NEBL: variants seen among roughly 807,000 people sequenced by gnomAD.
The protein encoded by NEBL is nebulette.
In NEBL, 122 loss-of-function variants were observed where a neutral mutation model predicts 140.2. The observed-to-expected ratio is 0.87, with a 90% CI of 0.75 to 1.01. NEBL has a LOEUF of 1.01. Ranked by LOEUF, NEBL falls within the 50% of genes least tolerant of loss-of-function variation. The pLI, the probability that NEBL is intolerant of heterozygous loss-of-function variation, is 0.00. For synonymous variants in NEBL, 436 were observed against 398.9 expected (o/e 1.09, Z -1.11); for missense variants, 1,365 against 1,231.3 (o/e 1.11, Z -1.62).
At chr10:21,072,890 C>A (rs1283589986) in intron 2 of NEBL, among the ~76,000 whole-genome samples, 1 of 152,152 alleles carries the variant, frequency 6.6e-6, no homozygotes, top group Non-Finnish European at 1.5e-5. Flanking sequence ...ACTTGGGAGG[C>A]TGAGGCATGA....
intron 2 of NEBL, among the ~76,000 whole-genome samples, chr10:21,142,698 C>T (rs1839692707): frequency 6.6e-6 from 1 of 152,114 alleles, no homozygotes; most frequent in Admixed American, 6.6e-5. Context: ...GACGGTATGG[C>T]GAGCATTACT....
intron 25 of NEBL, 80 bp from the exon 26 acceptor site, chr10:20,808,739 A>T (rs1837855943): frequency 2.1e-6 from 3 of 1,432,000 alleles, no homozygotes; most frequent in Non-Finnish European, 2.9e-6. Flanking sequence ...TTAAAAGCTT[A>T]ACAGAGAAGA....
rs985225654 is a variant in NEBL at position 20,916,432 on chromosome 10, A to C, written c.357+45240T>G. 2.6e-5 allele frequency among the ~76,000 whole-genome samples: 4 copies of C among 152,244 alleles called. No homozygotes were observed. In the East Asian group the frequency reaches 7.7e-4, roughly 29 times the overall value. On this transcript the variant is annotated intron_variant, in intron 4 of 6. Transcript: ENST00000417816. ...CTTTTGTTTCTTGGGAAAGGGTCTC[A>C]CTCTGTTGCCCAGACTGGAGTGCAG...
chr10:21,094,919 T>C (rs1281931583), intron 2 of NEBL, among the ~76,000 whole-genome samples: 1 of 152,148 alleles, frequency 6.6e-6, no homozygotes, highest in Non-Finnish European at 1.5e-5. Context: ...AAGAAAATCC[T>C]TGGGCCAACA....
At chr10:21,262,646 T>C (rs1163413163) in intron 1 of NEBL, among the ~76,000 whole-genome samples, 3 of 152,158 alleles carry the variant, frequency 2.0e-5, no homozygotes, top group Non-Finnish European at 4.4e-5. Flanking sequence ...TAAAAGAAAT[T>C]TCCCCAGAAA....
At chr10:20,788,229 C>T (rs796369030) in intron 26 of NEBL, among the ~76,000 whole-genome samples, 8 of 152,200 alleles carry the variant, frequency 5.3e-5, no homozygotes, top group Admixed American at 2.6e-4. Flanking sequence ...AGGGTATTTT[C>T]GTAGCGTGCC....
At chr10:20,818,081 C>T (rs1838919512) in intron 20 of NEBL, among the ~76,000 whole-genome samples, 1 of 152,136 alleles carries the variant, frequency 6.6e-6, no homozygotes, top group Admixed American at 6.5e-5. Flanking sequence ...GACCGTGGGG[C>T]TTCTCCCTTC....
chr10:21,032,692 A>C (rs1198386057), intron 2 of NEBL, among the ~76,000 whole-genome samples: 1 of 152,196 alleles, frequency 6.6e-6, no homozygotes, highest in Non-Finnish European at 1.5e-5. Context: ...ATGATAATGT[A>C]GGCCTCTCAC....
intron 4 of NEBL, among the ~76,000 whole-genome samples, chr10:20,953,374 C>T (rs1384544197): frequency 6.6e-6 from 1 of 152,148 alleles, no homozygotes; most frequent in Non-Finnish European, 1.5e-5. Context: ...GGAAGAGAGC[C>T]CTCACCAGCC....
rs1180113998 is a variant in NEBL, at chr10:20,850,437, T to C, written c.1074A>G (p.Pro358=). ...GKPMLEFVET[P]SYQASKEAQK... ...GAGCCTCCTTTGAAGCTTGATATGATGGTGTCTCAACAAATTCAAGCATTG... is the reference window on the plus strand; with the variant it reads ...GAGCCTCCTTTGAAGCTTGATATGACGGTGTCTCAACAAATTCAAGCATTG... The change falls in exon 11 of 28, where the codon CCA becomes CCG. Residue 358 remains proline (P), a synonymous_variant. Transcript: ENST00000377122. The C allele has an allele frequency of 6.2e-6, 10 of 1,612,144 alleles. No individual in the cohort carries two copies. The highest frequency in any genetic ancestry group is 8.5e-6 in the Non-Finnish European group (10 of 1,178,324).
intron 3 of NEBL, among the ~76,000 whole-genome samples, chr10:21,008,005 T>A (rs1838201870): frequency 6.6e-6 from 1 of 152,212 alleles, no homozygotes; most frequent in Non-Finnish European, 1.5e-5. Context: ...AGCAGTGAAT[T>A]AAATCATACT....
intron 2 of NEBL, among the ~76,000 whole-genome samples, chr10:21,162,618 C>G (rs950551302): frequency 1.3e-5 from 2 of 152,188 alleles, no homozygotes; most frequent in African/African-American, 2.4e-5. Context: ...CCTCGCCTAT[C>G]CCAACTCACC....
chr10:20,889,895 C>A lies in NEBL; in HGVS notation c.208G>T (p.Asp70Tyr), dbSNP rs1162007864. The A allele has an allele frequency of 6.2e-7, 1 of 1,613,060 alleles. No individual in the cohort carries two copies. The highest frequency in any genetic ancestry group is 1.1e-5 in the South Asian group (1 of 90,954). Residue 70 changes from aspartate (D) to tyrosine (Y), a missense_variant, in exon 3 of 28, where the codon GAC (aspartate) becomes TAC (tyrosine). By Grantham distance (160) the Asp-to-Tyr change is radical. Transcript: ENST00000377122. ...TTTACATGGTTTAGCATAGGACTGT[C>A]AGTCACAAATGTACACTTATCCTTG... ...KSKDKCTFVT[D>Y]SPMLNHVKNI...
intron 3 of NEBL, among the ~76,000 whole-genome samples, chr10:20,971,320 T>A (rs1439964151): frequency 2.0e-5 from 3 of 152,218 alleles, no homozygotes; most frequent in South Asian, 4.1e-4. Context: ...TAGCATTTAA[T>A]AATTTGGACA....
intron 2 of NEBL, among the ~76,000 whole-genome samples, chr10:21,251,275 T>G (rs1343944262): frequency 6.6e-6 from 1 of 152,206 alleles, no homozygotes; most frequent in East Asian, 1.9e-4. Context: ...GCTTGTTCAT[T>G]TTCTGGAACA....
In NEBL at chr10:21,122,633, A is replaced by G. The variant is rs1207053478; in HGVS notation, c.164+49750T>C. Among the ~76,000 whole-genome samples, 3 of 152,188 alleles carry G rather than the reference A, an allele frequency of 2.0e-5. No individual in the cohort carries two copies. The South Asian group carries it at 6.2e-4, about 32-fold the overall frequency. On this transcript the variant is annotated intron_variant, in intron 2 of 6. Coordinates refer to the NEBL transcript ENST00000417816. ...AGAAGGGTACTATAAAAGGCAGAAA[A>G]TGAGACTTAATCTGGTTGGGAGAGA...
intron 3 of NEBL, among the ~76,000 whole-genome samples, chr10:20,972,289 A>G (rs993681713): frequency 7.2e-5 from 11 of 152,234 alleles, no homozygotes; most frequent in African/African-American, 2.4e-4. Context: ...TAATGTCATT[A>G]AAATTGTTCC....
At chr10:21,038,600 C>A (rs944907628) in intron 2 of NEBL, among the ~76,000 whole-genome samples, 5 of 152,180 alleles carry the variant, frequency 3.3e-5, no homozygotes, top group Admixed American at 1.3e-4. Flanking sequence ...TTTTCTTTAT[C>A]CAGTCTATCA....
intron 1 of NEBL, among the ~76,000 whole-genome samples, chr10:21,277,502 G>A (rs1378861066): frequency 6.6e-6 from 1 of 152,102 alleles, no homozygotes; most frequent in Non-Finnish European, 1.5e-5. Flanking sequence ...AAGCCACTGT[G>A]CCTGGCCCAA....
Sources: allele counts gnomAD v4.1 joint callset (sites outside exome capture counted in the v4.1 genomes callset), GRCh38; gene constraint gnomAD v4.1.1; transcripts MANE v1.5; gene names NCBI Gene and HGNC (gene_info 2026-07-23, HGNC 2026-07-21).